The following SNTG1 variants were observed in gnomAD, a reference collection of about 807,000 sequenced individuals.
The protein encoded by SNTG1 is syntrophin gamma 1, also known as gamma-1-syntrophin.
SNTG1 carries 39 observed loss-of-function variants against 74.7 expected under a neutral mutation model. The observed-to-expected ratio is 0.52, with a 90% confidence interval of 0.40 to 0.68. SNTG1 has a LOEUF of 0.68. Among genes scored for constraint, SNTG1 ranks in the 30% least tolerant of loss-of-function variants. The pLI is 0.00. For missense variants in SNTG1, 685 were observed against 609.5 expected (o/e 1.12, Z -1.30); for synonymous variants, 254 against 217.1 (o/e 1.17, Z -1.49).
chr8:50,492,975 C>G (rs1346604402), intron 8 of SNTG1, among the ~76,000 whole-genome samples: 1 of 151,916 alleles, frequency 6.6e-6, no homozygotes, highest in Non-Finnish European at 1.5e-5. Flanking sequence ...ATATATAGAC[C>G]AATGGAACAG....
At chr8:50,366,731 AT>A (rs1485434553) in intron 2 of SNTG1, among the ~76,000 whole-genome samples, 3 of 146,582 alleles carry the variant, frequency 2.0e-5, no homozygotes, top group Non-Finnish European at 4.5e-5. Flanking sequence ...TTGCATATAT[AT>A]GTGAATACAT....
chr8:50,012,422 G>A (rs1188025063), intron 1 of SNTG1, among the ~76,000 whole-genome samples: 1 of 152,154 alleles, frequency 6.6e-6, no homozygotes, highest in Non-Finnish European at 1.5e-5. Flanking sequence ...ATGCTAGGAA[G>A]TATGGAGTCT....
At chr8:50,712,910 G>A (rs954715426) in intron 17 of SNTG1, among the ~76,000 whole-genome samples, 2 of 152,132 alleles carry the variant, frequency 1.3e-5, no homozygotes, top group East Asian at 1.9e-4. Context: ...TCATTGATGG[G>A]CGTCTAGTTT....
chr8:50,630,612 C>T (rs2094990399), intron 13 of SNTG1, among the ~76,000 whole-genome samples: 1 of 152,056 alleles, frequency 6.6e-6, no homozygotes, highest in Admixed American at 6.6e-5. Context: ...CACAAAGCAC[C>T]TCCTCTTTAT....
intron 8 of SNTG1, among the ~76,000 whole-genome samples, chr8:50,467,076 T>C (rs2093614373): frequency 6.6e-6 from 1 of 151,972 alleles, no homozygotes; most frequent in Admixed American, 6.6e-5. Context: ...TTTGCTAATA[T>C]TTTATTCACA....
At chr8:50,778,488 G>T (rs1440854469) in intron 18 of SNTG1, among the ~76,000 whole-genome samples, 5 of 151,848 alleles carry the variant, frequency 3.3e-5, no homozygotes, top group Non-Finnish European at 2.9e-5. Flanking sequence ...TTTTTTGGCT[G>T]CATAAATGTC....
chr8:50,604,540 C>A (rs1443125743), intron 13 of SNTG1, among the ~76,000 whole-genome samples: 2 of 152,070 alleles, frequency 1.3e-5, no homozygotes, highest in Non-Finnish European at 2.9e-5. Flanking sequence ...TTTTTACAGG[C>A]AGGGGAGTTC....
At chr8:50,773,385 A>G (rs1330942912) in intron 18 of SNTG1, among the ~76,000 whole-genome samples, 1 of 152,138 alleles carries the variant, frequency 6.6e-6, no homozygotes, top group Admixed American at 6.6e-5. Flanking sequence ...AGTTCTGGCT[A>G]GCCTTAAAGA....
At chr8:50,327,390 G>A (rs578114722) in intron 2 of SNTG1, among the ~76,000 whole-genome samples, 30 of 152,152 alleles carry the variant, frequency 2.0e-4, no homozygotes, top group African/African-American at 7.0e-4. Flanking sequence ...TTTTTAGAGA[G>A]CTAATCCCTT....
chr8:49,987,649 C>CTTT lies in SNTG1; in HGVS notation c.-103+75433_-103+75435dup, dbSNP rs35381511. Among the ~76,000 whole-genome samples the CTTT allele has an allele frequency of 8.1e-4, 106 of 131,518 alleles. 1 individual carries two copies. The highest frequency in any genetic ancestry group is 2.3e-3 in the African/African-American group (80 of 34,702). The allele number at this position is 131,518 out of a possible 152,430, so 86.3% of individuals were successfully genotyped here. A position where few individuals can be genotyped will look rare whatever the true frequency, so the allele number is the denominator to read the frequency against. ...GATTTTTTCCTTTAATTAAATTAAC[C>CTTT]TTTTTTTTTTTTTTTTTGAAACGGA... is the stretch of plus-strand genomic sequence containing the variant. On this transcript the variant is annotated intron_variant, in intron 1 of 18. Transcript: ENST00000642720.
chr8:50,500,399 TATAAC>T (rs886198623), intron 8 of SNTG1, among the ~76,000 whole-genome samples: 7 of 152,114 alleles, frequency 4.6e-5, no homozygotes, highest in African/African-American at 1.2e-4. Flanking sequence ...ATTTGGATAT[TATAAC>T]ATAACTTTTT....
At chr8:50,107,770 C>T (rs1478546000) in intron 1 of SNTG1, among the ~76,000 whole-genome samples, 2 of 151,930 alleles carry the variant, frequency 1.3e-5, no homozygotes, top group Non-Finnish European at 1.5e-5. Flanking sequence ...AGGTTGGTCT[C>T]GAACTCCTGA....
At chr8:50,167,623 C>T (rs2082668744) in intron 1 of SNTG1, among the ~76,000 whole-genome samples, 1 of 150,140 alleles carries the variant, frequency 6.7e-6, no homozygotes, top group Non-Finnish European at 1.5e-5. Flanking sequence ...AGAACAAAAC[C>T]TCATCGCTAC....
chr8:50,289,251 T>G (rs1419129785), intron 2 of SNTG1, among the ~76,000 whole-genome samples: 1 of 152,214 alleles, frequency 6.6e-6, no homozygotes, highest in Non-Finnish European at 1.5e-5. Flanking sequence ...TGGATCCAGA[T>G]GAAGCTGTGT....
chr8:50,425,868 AG>A (rs1228455322), intron 4 of SNTG1, among the ~76,000 whole-genome samples: 1 of 152,208 alleles, frequency 6.6e-6, no homozygotes, highest in East Asian at 1.9e-4. Context: ...CTTGCAGTGA[AG>A]AAGCAAACTG....
intron 2 of SNTG1, among the ~76,000 whole-genome samples, chr8:50,296,213 C>G (rs1016038903): frequency 2.6e-5 from 4 of 152,084 alleles, no homozygotes; most frequent in South Asian, 2.1e-4. Flanking sequence ...GGTGATTCCT[C>G]AAGGATATAG....
chr8:50,623,018 T>C (rs1162404858), intron 13 of SNTG1, among the ~76,000 whole-genome samples: 2 of 152,160 alleles, frequency 1.3e-5, no homozygotes, highest in African/African-American at 2.4e-5. Flanking sequence ...ATTGATTTTG[T>C]ATCCTGAAAC....
chr8:50,234,514 C>A (rs552396888), intron 2 of SNTG1, among the ~76,000 whole-genome samples: 1 of 152,130 alleles, frequency 6.6e-6, no homozygotes, highest in Admixed American at 6.5e-5. Flanking sequence ...ACACTATACA[C>A]ACACTTTGTA....
At chr8:50,086,083 C>T (rs777590720) in intron 1 of SNTG1, among the ~76,000 whole-genome samples, 18 of 152,000 alleles carry the variant, frequency 1.2e-4, no homozygotes, top group Admixed American at 2.0e-4. Flanking sequence ...TATGTCCATA[C>T]AAGCTTTCAT....
Sources: gnomAD v4.1 joint callset for allele counts (sites outside exome capture counted in the v4.1 genomes callset) on GRCh38, gnomAD v4.1.1 for gene constraint, MANE v1.5 for transcripts, NCBI Gene and HGNC (gene_info 2026-07-23, HGNC 2026-07-21) for gene names.